F8: variants seen among roughly 807,000 people sequenced by gnomAD.
F8 encodes the protein coagulation factor VIII.
F8 carries 12 observed loss-of-function variants against 140.6 expected under a neutral mutation model. The ratio of observed to expected loss-of-function variants is 0.09; its 90% CI spans 0.05 to 0.14. The LOEUF is 0.14. Among genes scored for constraint, F8 ranks in the 10% least tolerant of loss-of-function variants. The pLI is 1.00. For synonymous variants in F8, 585 were observed against 614.6 expected (o/e 0.95, Z 0.71); for missense variants, 1,354 against 1,720.7 (o/e 0.79, Z 3.77).
intron 12 of F8, among the ~76,000 whole-genome samples, chrX:154,951,435 C>T (rs782028409): frequency 9.0e-6 from 1 of 111,402 alleles, no homozygotes; most frequent in East Asian, 2.8e-4. Context: ...CTCTGTATCC[C>T]TAAACTATAT....
In F8 at chrX:154,905,040, AC is replaced by A. The variant is rs782330227; in HGVS notation, c.5374-18del. 1.8e-6 allele frequency: 2 copies of A among 1,126,804 alleles called. No homozygotes were observed. The highest frequency in any genetic ancestry group is 1.8e-5 in the South Asian group (1 of 54,406). The allele number at this position is 1,126,804 out of a possible 1,213,427, so 92.9% of individuals were successfully genotyped here. A position where few individuals can be genotyped will look rare whatever the true frequency, so the allele number is the denominator to read the frequency against. ...GAAAGTTACCTGTAGAACAATAACG[AC>A]AAAAAAAAAAAAGCAAGAATAATCT... On this transcript the variant is annotated intron_variant, in intron 15 of 25. Transcript: ENST00000360256.
intron 1 of F8, among the ~76,000 whole-genome samples, chrX:155,009,508 G>A (rs1380230897): frequency 7.2e-5 from 8 of 110,889 alleles, no homozygotes; most frequent in African/African-American, 1.3e-4. Context: ...AGGCCGAGGC[G>A]GGAGGATCAC....
At chrX:154,980,776 T>C (rs782196095) in intron 6 of F8, among the ~76,000 whole-genome samples, 4 of 110,685 alleles carry the variant, frequency 3.6e-5, no homozygotes, top group Admixed American at 2.9e-4. Context: ...CTGAGCAACA[T>C]AGCAATACCC....
chrX:154,872,060 G>A (rs1370438512), intron 22 of F8, among the ~76,000 whole-genome samples: 1 of 112,140 alleles, frequency 8.9e-6, no homozygotes, highest in Non-Finnish European at 1.9e-5. Flanking sequence ...AGATGCTGGA[G>A]AGGTTGTGGA....
rs1293432937 is a variant in F8 at position 154,929,112 on chromosome X, G to A, written c.4678C>T (p.Pro1560Ser). The change falls in exon 14 of 26, where the codon CCT becomes TCT. Residue 1560 changes from proline to serine, a missense_variant. Coordinates refer to ENST00000360256, the MANE Select transcript of F8 (RefSeq NM_000132.4). ...GAIKWNEANRPGKVPFLRVAT... is the reference protein window; with the variant it reads ...GAIKWNEANRSGKVPFLRVAT... The stretch of plus-strand genomic sequence containing the variant: ...ACTCTCAGAAAGGGAACTTTTCCAG[G>A]TCTGTTTGCTTCATTCCACTTAATC... The A allele has an allele frequency of 2.5e-5, 30 of 1,209,516 alleles. No homozygotes were observed. The highest frequency in any genetic ancestry group is 3.2e-5 in the Non-Finnish European group (29 of 895,132).
At chrX:154,868,365 C>T (rs1467449184) in intron 22 of F8, among the ~76,000 whole-genome samples, 1 of 112,266 alleles carries the variant, frequency 8.9e-6, no homozygotes, top group East Asian at 2.8e-4. Flanking sequence ...TCCCTTTCTG[C>T]TATGACTGTA....
intron 2 of F8, among the ~76,000 whole-genome samples, chrX:154,998,228 G>A (rs1557285279): frequency 8.9e-6 from 1 of 112,768 alleles, no homozygotes; most frequent in Non-Finnish European, 1.9e-5. Flanking sequence ...GCAATTGCAA[G>A]TTCCCTTCCT....
chrX:154,859,169 C>CAG (rs1189923367), intron 25 of F8, among the ~76,000 whole-genome samples: 1 of 111,170 alleles, frequency 9.0e-6, no homozygotes, highest in Admixed American at 9.5e-5. Context: ...TCCAGAGAGA[C>CAG]AGAGAGAGAG....
At position 154,931,353 on chromosome X, in the gene F8, A is replaced by G. The variant is rs782427638; in HGVS notation, c.2437T>C (p.Leu813=). The G allele has an allele frequency of 8.3e-7, 1 of 1,211,157 alleles. No homozygotes were observed. The highest frequency in any genetic ancestry group is 1.8e-5 in the South Asian group (1 of 56,981). The change falls in exon 14 of 26, where the codon TTG becomes CTG. Residue 813 remains leucine (L), a synonymous_variant. Coordinates refer to ENST00000360256, the MANE Select transcript of F8 (RefSeq NM_000132.4). ...NVSSSDLLML[L]RQSPTPHGLS... is the part of the protein sequence containing the mutation. Reference sequence around the variant, plus strand: ...CCATGTGGAGTAGGACTCTGTCGCAAGAGCATCAACAAATCACTAGAGGAG... The same window carrying G: ...CCATGTGGAGTAGGACTCTGTCGCAGGAGCATCAACAAATCACTAGAGGAG...
At chrX:154,946,545 C>T (rs1220085178) in intron 13 of F8, among the ~76,000 whole-genome samples, 5 of 111,898 alleles carry the variant, frequency 4.5e-5, no homozygotes, top group Non-Finnish European at 9.4e-5. Flanking sequence ...AACTATACCC[C>T]TATCTCTCAC....
intron 9 of F8, among the ~76,000 whole-genome samples, chrX:154,965,493 A>G (rs1557281911): frequency 8.9e-6 from 1 of 111,803 alleles, no homozygotes; most frequent in African/African-American, 3.3e-5. Flanking sequence ...AAGGCTGGAT[A>G]GTAAGTACTC....
chrX:154,923,227 C>G (rs1181889572), intron 14 of F8, among the ~76,000 whole-genome samples: 2 of 111,745 alleles, frequency 1.8e-5, no homozygotes, highest in African/African-American at 6.5e-5. Flanking sequence ...AAATAACATT[C>G]AAAAAATAAA....
intron 22 of F8, among the ~76,000 whole-genome samples, chrX:154,878,093 C>T (rs782358390): frequency 7.8e-4 from 87 of 111,327 alleles, no homozygotes; most frequent in Admixed American, 2.2e-3. Context: ...ACTATGAGGC[C>T]ACCATATCTT....
At chrX:154,848,387 G>A (rs1272939183) in intron 25 of F8, among the ~76,000 whole-genome samples, 1 of 112,970 alleles carries the variant, frequency 8.9e-6, no homozygotes, top group African/African-American at 3.2e-5. Context: ...CCCCAAAGGT[G>A]GAGCGTACAG....
intron 9 of F8, among the ~76,000 whole-genome samples, chrX:154,963,633 T>C (rs1464322519): frequency 1.8e-5 from 2 of 111,807 alleles, no homozygotes; most frequent in Non-Finnish European, 3.8e-5. Flanking sequence ...TCCTATCCAA[T>C]AAACTATTGT....
chrX:154,952,462 A>G (rs1217316775), intron 12 of F8, among the ~76,000 whole-genome samples: 3 of 112,061 alleles, frequency 2.7e-5, no homozygotes, highest in Non-Finnish European at 5.6e-5. Context: ...AGGGGCATAG[A>G]ATTGTAACAT....
At chrX:154,874,344 G>A (rs1206581166) in intron 22 of F8, among the ~76,000 whole-genome samples, 2 of 112,505 alleles carry the variant, frequency 1.8e-5, no homozygotes, top group African/African-American at 6.5e-5. Context: ...ATGCTGCTAT[G>A]ACAGAATACC....
intron 5 of F8, among the ~76,000 whole-genome samples, chrX:154,986,522 C>A (rs782007863): frequency 2.1e-4 from 23 of 110,584 alleles, no homozygotes; most frequent in African/African-American, 7.6e-4. Flanking sequence ...AACTCCTGGG[C>A]TCAAGCAATC....
At chrX:154,941,860 A>C (rs1223203390) in intron 13 of F8, among the ~76,000 whole-genome samples, 3 of 106,185 alleles carry the variant, frequency 2.8e-5, no homozygotes, top group Non-Finnish European at 5.8e-5. Flanking sequence ...GGATTAAGAA[A>C]CTCACTCAAA....
Sources: gnomAD v4.1 joint callset for allele counts (sites outside exome capture counted in the v4.1 genomes callset) on GRCh38, gnomAD v4.1.1 for gene constraint, MANE v1.5 for transcripts, NCBI Gene and HGNC (gene_info 2026-07-23, HGNC 2026-07-21) for gene names.